CDH22: variants seen among roughly 807,000 people sequenced by gnomAD.
CDH22 encodes cadherin-22.
A neutral mutation model predicts 58.4 loss-of-function variants in CDH22; 30 were observed. That is an observed-to-expected ratio of 0.51 (90% CI 0.38 to 0.70). The LOEUF is 0.70. CDH22 is among the 30% of genes least tolerant of loss of function. CDH22 has a pLI of 0.00. For missense variants in CDH22, 1,014 were observed against 1,233.9 expected (o/e 0.82, Z 2.67); for synonymous variants, 513 against 558.2 (o/e 0.92, Z 1.14).
At chr20:46,265,309 C>T (rs148642326) in intron 1 of CDH22, among the ~76,000 whole-genome samples, 1 of 152,216 alleles carries the variant, frequency 6.6e-6, no homozygotes, top group Non-Finnish European at 1.5e-5. Flanking sequence ...CTCTTTTCCC[C>T]TCTTCCTCCT....
chr20:46,285,276 A>G (rs912735989), intron 1 of CDH22, among the ~76,000 whole-genome samples: 18 of 152,188 alleles, frequency 1.2e-4, no homozygotes, highest in Non-Finnish European at 4.4e-5. Flanking sequence ...AAATGTCAAC[A>G]TGACATTTTT....
At chr20:46,227,742 G>A in intron 3 of CDH22, 115 bp from the exon 4 acceptor site, 8 of 1,439,524 alleles carry the variant, frequency 5.6e-6, no homozygotes, top group Non-Finnish European at 7.4e-6. Context: ...ACCTGCGGGA[G>A]GCCATCGAAT....
At chr20:46,263,424 G>GTGTGTT (rs2086443631) in intron 1 of CDH22, among the ~76,000 whole-genome samples, 1 of 151,732 alleles carries the variant, frequency 6.6e-6, no homozygotes, top group Non-Finnish European at 1.5e-5. Context: ...GTGTGTGTGT[G>GTGTGTT]TGTGCGTGTG....
At chr20:46,198,243 CTCTT>C (rs1249604950) in intron 8 of CDH22, among the ~76,000 whole-genome samples, 4 of 151,800 alleles carry the variant, frequency 2.6e-5, no homozygotes, top group Admixed American at 6.6e-5. Context: ...CAGGCTCTCT[CTCTT>C]TCTCTCCCAG....
chr20:46,289,146 A>C (rs900044065), intron 1 of CDH22, among the ~76,000 whole-genome samples: 2 of 151,798 alleles, frequency 1.3e-5, no homozygotes, highest in Non-Finnish European at 2.9e-5. Flanking sequence ...GGGCCTTTGC[A>C]CTTGCTGGTC....
rs536192133 is a variant in CDH22 at position 46,204,919 on chromosome 20, G to A, written c.1287-5360C>T. 9.4e-4 allele frequency among the ~76,000 whole-genome samples: 143 copies of A among 152,300 alleles called. 2 individuals carry two copies. The highest frequency in any genetic ancestry group is 3.4e-3 in the Middle Eastern group (1 of 294). On this transcript the variant is annotated intron_variant, in intron 7 of 11. Coordinates refer to ENST00000537909, the MANE Select transcript of CDH22 (RefSeq NM_021248.3). ...TAAATAGGGAAGGCTGCAGGCTTAT[G>A]CACATACAGGCTTTCTGGTGTGCCT...
intron 8 of CDH22, among the ~76,000 whole-genome samples, chr20:46,195,614 A>ACCCCCCCCCCCCCCCCC (rs113226361): frequency 1.1e-4 from 12 of 105,774 alleles, no homozygotes; most frequent in Non-Finnish European, 1.8e-4. Context: ...TCTCCCCTAG[A>ACCCCCCCCCCCCCCCCC]CCCCCCCCCC....
In CDH22 at chr20:46,300,487, C is replaced by T. The variant is rs117482275; in HGVS notation, c.-400+7768G>A. On this transcript the variant is annotated intron_variant, in intron 1 of 11. Coordinates refer to ENST00000537909, the MANE Select transcript of CDH22 (RefSeq NM_021248.3). This position sits in a 1 kb window ranked among gnomAD's most constrained non-coding sequence, Gnocchi z 4.4. ...TCACTCTGCCCATCACACACACAAG[C>T]GCGCGTGTGCGTGCGCGTGCACACA... 6.7e-3 allele frequency among the ~76,000 whole-genome samples: 1,019 copies of T among 152,328 alleles called. 12 individuals are homozygous for T. Among genetic ancestry groups the T allele is most frequent in the African/African-American group, 0.023 (964 of 41,566 alleles).
At chr20:46,265,812 A>G (rs906775467) in intron 1 of CDH22, among the ~76,000 whole-genome samples, 1 of 151,182 alleles carries the variant, frequency 6.6e-6, no homozygotes, top group Non-Finnish European at 1.5e-5. Context: ...CTTTTCTCCC[A>G]CTTTTCCTTC....
chr20:46,202,702 C>T (rs956599630), intron 7 of CDH22, among the ~76,000 whole-genome samples: 1 of 152,172 alleles, frequency 6.6e-6, no homozygotes, highest in Non-Finnish European at 1.5e-5. Context: ...GTTGAACCAG[C>T]CAAATCCTCG....
intron 3 of CDH22, among the ~76,000 whole-genome samples, chr20:46,230,469 C>T (rs932361213): frequency 6.6e-6 from 1 of 152,166 alleles, no homozygotes; most frequent in African/African-American, 2.4e-5. Flanking sequence ...TACGAGCTGA[C>T]TCCAGCACAC....
intron 1 of CDH22, among the ~76,000 whole-genome samples, chr20:46,285,536 C>A (rs901696273): frequency 2.0e-5 from 3 of 152,172 alleles, no homozygotes; most frequent in Admixed American, 1.3e-4. Context: ...CACCTTCCCC[C>A]CAAACACCCA....
At chr20:46,296,139 G>A (rs1189926999) in intron 1 of CDH22, among the ~76,000 whole-genome samples, 1 of 152,128 alleles carries the variant, frequency 6.6e-6, no homozygotes, top group Non-Finnish European at 1.5e-5. Flanking sequence ...TTGTATCTTC[G>A]CAGTAGGGGA....
At chr20:46,267,777 A>G (rs1568678851) in intron 1 of CDH22, among the ~76,000 whole-genome samples, 1 of 152,286 alleles carries the variant, frequency 6.6e-6, no homozygotes, top group East Asian at 1.9e-4. Context: ...TGCTACTTAT[A>G]AACGCTGCTT....
chr20:46,236,649 A>ATATCTATC (rs3082934), intron 3 of CDH22, among the ~76,000 whole-genome samples: 4,363 of 135,796 alleles, frequency 0.032, 85 homozygotes, highest in East Asian at 0.051. Flanking sequence ...TTATATATTA[A>ATATCTATC]TATCTATCTA....
intron 7 of CDH22, among the ~76,000 whole-genome samples, chr20:46,201,073 A>C (rs1195533225): frequency 6.6e-6 from 1 of 152,132 alleles, no homozygotes; most frequent in African/African-American, 2.4e-5. Flanking sequence ...TGTCCAACAC[A>C]TGTCTCGGGC....
At chr20:46,297,005 G>C (rs1440283391) in intron 1 of CDH22, among the ~76,000 whole-genome samples, 1 of 152,148 alleles carries the variant, frequency 6.6e-6, no homozygotes, top group Non-Finnish European at 1.5e-5. Context: ...TGCGGGGAGG[G>C]TCTTATGGTC....
At chr20:46,202,928 G>C (rs892176575) in intron 7 of CDH22, among the ~76,000 whole-genome samples, 6 of 152,228 alleles carry the variant, frequency 3.9e-5, no homozygotes, top group Non-Finnish European at 5.9e-5. Flanking sequence ...CTGGGCGAGA[G>C]GCCGGGCTGA....
intron 8 of CDH22, among the ~76,000 whole-genome samples, chr20:46,197,051 T>C (rs1043159056): frequency 1.8e-4 from 28 of 151,998 alleles, no homozygotes; most frequent in African/African-American, 6.8e-4. Flanking sequence ...AGTCAGTTAC[T>C]GGGGTTGATG....
Sources: allele counts gnomAD v4.1 joint callset (sites outside exome capture counted in the v4.1 genomes callset), GRCh38; gene constraint gnomAD v4.1.1; non-coding constraint Gnocchi (gnomAD v3.1); transcripts MANE v1.5; gene names NCBI Gene and HGNC (gene_info 2026-07-23, HGNC 2026-07-21).